Variants in SCAMP2 observed in about 807,000 individuals in gnomAD.
SCAMP2 encodes the protein secretory carrier-associated membrane protein 2.
Under a neutral mutation model 44.1 loss-of-function variants are expected in SCAMP2, and 25 were observed. That is an observed-to-expected ratio of 0.57 (90% CI 0.41 to 0.79). The LOEUF (loss-of-function observed/expected upper bound fraction) is 0.79. SCAMP2 is among the 30% of genes least tolerant of loss of function. SCAMP2 has a pLI of 0.00. For missense variants in SCAMP2, 355 were observed against 411.0 expected, an observed-to-expected ratio of 0.86 and a Z score of 1.18; for synonymous variants, 156 against 166.0, an observed-to-expected ratio of 0.94 and a Z score of 0.46.
chr15:74,856,090 A>ATGCCTGGGCTCCATGAGGAACAGCCC (rs2064467022), intron 1 of SCAMP2, among the ~76,000 whole-genome samples: 1 of 151,828 alleles, frequency 6.6e-6, no homozygotes, highest in Admixed American at 6.6e-5. Context: ...CTTCACAGCC[A>ATGCCTGGGCTCCATGAGGAACAGCCC]TGCCTGGGCT....
intron 1 of SCAMP2, among the ~76,000 whole-genome samples, chr15:74,871,241 A>G (rs2064572883): frequency 6.6e-6 from 1 of 152,044 alleles, no homozygotes; most frequent in Non-Finnish European, 1.5e-5. Flanking sequence ...ATTGCTTGAG[A>G]CCAGGATTTC....
At chr15:74,848,369 A>G (rs1005935103) in intron 7 of SCAMP2, 7 of 403,984 alleles carry the variant, frequency 1.7e-5, no homozygotes, top group African/African-American at 1.4e-4. Flanking sequence ...CACCTGACCA[A>G]TAGTGAGTGT....
Position 74,854,669 on chromosome 15 carries a change from C to T in SCAMP2, c.58-20G>A, listed in dbSNP as rs1198495658. 21 of 1,598,360 alleles carry T rather than the reference C, an allele frequency of 1.3e-5. No homozygotes were observed. The highest frequency in any genetic ancestry group is 1.7e-5 in the Admixed American group (1 of 57,858). Reference sequence around the variant, plus strand: ...GGGATCCTGAGAAGGTGAAAAAAAGCCCTTAGACACAGTGGAGAAAATCCG... The same window carrying T: ...GGGATCCTGAGAAGGTGAAAAAAAGTCCTTAGACACAGTGGAGAAAATCCG... On this transcript the variant is annotated intron_variant, in intron 1 of 8. Coordinates refer to ENST00000268099, the MANE Select transcript of SCAMP2 (RefSeq NM_005697.5).
chr15:74,862,189 G>C (rs866121911), intron 1 of SCAMP2, among the ~76,000 whole-genome samples: 2 of 145,782 alleles, frequency 1.4e-5, no homozygotes, highest in African/African-American at 5.0e-5. Flanking sequence ...CTTGAACCTG[G>C]GAGGTAGAGG....
chr15:74,860,054 A>C (rs1191543885), intron 1 of SCAMP2, among the ~76,000 whole-genome samples: 1 of 152,198 alleles, frequency 6.6e-6, no homozygotes, highest in African/African-American at 2.4e-5. Flanking sequence ...GCTTAAATCC[A>C]GTTTGAGATC....
At chr15:74,859,364 C>T (rs949317783) in intron 1 of SCAMP2, among the ~76,000 whole-genome samples, 6 of 152,142 alleles carry the variant, frequency 3.9e-5, no homozygotes, top group African/African-American at 1.4e-4. Context: ...AAGTGGGCAC[C>T]CCCTGAAGGG....
Position 74,854,001 on chromosome 15 carries a change from G to A in SCAMP2, c.225+20C>T. ...TTCCCTCACTGGAGAGAAAAGGCCA[G>A]AGTTCTTTGTCAGCACTACCTGGGG... On this transcript the variant is annotated intron_variant, in intron 3 of 8. Coordinates refer to ENST00000268099, the MANE Select transcript of SCAMP2 (RefSeq NM_005697.5). The A allele has an allele frequency of 1.2e-6, 2 of 1,600,466 alleles. No individual in the cohort carries two copies.
intron 5 of SCAMP2, 126 bp from the exon 6 acceptor site, chr15:74,850,799 CG>C: frequency 1.9e-5 from 17 of 895,016 alleles, no homozygotes; most frequent in Non-Finnish European, 2.4e-5. Flanking sequence ...CAGAGGAGCC[CG>C]CTCTGTACCT....
rs2064374544 is a variant in SCAMP2, at chr15:74,844,453, G to A, written c.*630C>T. 1 of 152,334 alleles carries A rather than the reference G, an allele frequency of 6.6e-6. No individual in the cohort carries two copies. The highest frequency in any genetic ancestry group is 2.4e-5 in the African/African-American group (1 of 41,434). 9.4% of individuals were successfully genotyped at this position (152,334 alleles called of 1,614,324 possible). On this transcript the variant is annotated 3_prime_UTR_variant, in exon 9 of 9. Coordinates refer to ENST00000268099, the MANE Select transcript of SCAMP2 (RefSeq NM_005697.5). ...TGCAGGAGGGTGCAGGGGGATAAAG[G>A]GCTATTAATCCGTTTCTCAGGAACA... is the stretch of plus-strand genomic sequence containing the variant.
At position 74,862,279 on chromosome 15, in the gene SCAMP2, A is replaced by AAAAAT; in HGVS notation, c.58-7631_58-7630insATTTT. ...CTCTGTCTCCAAAAAAAAAAAAAAA[A>AAAAAT]AAAAAAAAAATTCCTGGCCAGGTGC... On this transcript the variant is annotated intron_variant, in intron 1 of 8. Coordinates refer to ENST00000268099, the MANE Select transcript of SCAMP2 (RefSeq NM_005697.5). 1.5e-5 allele frequency among the ~76,000 whole-genome samples: 2 copies of AAAAAT among 131,066 alleles called. 1 individual carries two copies. Among genetic ancestry groups the AAAAAT allele is most frequent in the Non-Finnish European group, 3.1e-5 (2 of 64,686 alleles). 86.0% of individuals were successfully genotyped at this position (131,066 alleles called of 152,430 possible).
At chr15:74,853,125 C>G (rs1194585548) in intron 3 of SCAMP2, 2 of 296,284 alleles carry the variant, frequency 6.8e-6, no homozygotes, top group Non-Finnish European at 1.4e-5. Flanking sequence ...GTTTCAGGCA[C>G]TGGGGGCGGA....
chr15:74,862,467 T>C (rs914791374), intron 1 of SCAMP2, among the ~76,000 whole-genome samples: 4 of 151,060 alleles, frequency 2.6e-5, no homozygotes, highest in Admixed American at 1.3e-4. Context: ...TTCCAGGTAC[T>C]TGGGAGGCTG....
chr15:74,862,752 G>A (rs1004822151), intron 1 of SCAMP2, among the ~76,000 whole-genome samples: 35 of 147,334 alleles, frequency 2.4e-4, no homozygotes, highest in Admixed American at 1.6e-3. Flanking sequence ...AACCAGGGAG[G>A]TAAAGGTTGC....
chr15:74,872,771 TC>T (rs971307995), intron 1 of SCAMP2, among the ~76,000 whole-genome samples: 32 of 152,108 alleles, frequency 2.1e-4, no homozygotes, highest in African/African-American at 7.7e-4. Flanking sequence ...ATTTTTCCCC[TC>T]CACCAGAGGC....
intron 1 of SCAMP2, among the ~76,000 whole-genome samples, chr15:74,862,853 T>TAC (rs112611741): frequency 0.079 from 6,940 of 87,388 alleles, 652 homozygotes; most frequent in Non-Finnish European, 0.095. Flanking sequence ...AAACAAACCA[T>TAC]ACACACACAC....
chr15:74,854,600 T>G lies in SCAMP2; in HGVS notation c.107A>C (p.Glu36Ala), dbSNP rs767314393. The change falls in exon 2 of 9, where the codon GAA (glutamate) becomes GCA (alanine). Residue 36 changes from glutamate to alanine, a missense_variant. Physicochemically the swap from Glu to Ala is moderately radical, Grantham distance 107. Coordinates refer to ENST00000268099, the MANE Select transcript of SCAMP2 (RefSeq NM_005697.5). ...LTNAPQGGLA[E>A]FNPFSETNAA... is the part of the protein sequence containing the mutation. ...ACCAACCTCTGAGAAGGGGTTGAATTCCGCCAGGCCGCCCTGCGGGGCGTT... is the reference window on the plus strand; with the variant it reads ...ACCAACCTCTGAGAAGGGGTTGAATGCCGCCAGGCCGCCCTGCGGGGCGTT... 6.2e-7 allele frequency: 1 copy of G among 1,606,170 alleles called. No individual in the cohort carries two copies. Among genetic ancestry groups the G allele is most frequent in the Non-Finnish European group, 8.5e-7 (1 of 1,176,514 alleles).
At chr15:74,863,516 A>C (rs1221610843) in intron 1 of SCAMP2, among the ~76,000 whole-genome samples, 1 of 151,878 alleles carries the variant, frequency 6.6e-6, no homozygotes, top group Non-Finnish European at 1.5e-5. Context: ...ATCTCCAAAA[A>C]AAAAAAAAAC....
intron 1 of SCAMP2, among the ~76,000 whole-genome samples, chr15:74,869,234 C>T (rs2064560936): frequency 6.6e-6 from 1 of 151,976 alleles, no homozygotes; most frequent in African/African-American, 2.4e-5. Flanking sequence ...GAGCACCTTT[C>T]AGGACTGGCA....
chr15:74,854,660 GAA>G lies in SCAMP2; in HGVS notation c.58-13_58-12del. ...GGTCACAGAGGGATCCTGAGAAGGT[GAA>G]AAAAAGCCCTTAGACACAGTGGAGA... is the stretch of plus-strand genomic sequence containing the variant. On this transcript the variant is annotated splice_polypyrimidine_tract_variant and intron_variant, in intron 1 of 8. Transcript: ENST00000268099. The G allele has an allele frequency of 6.2e-7, 1 of 1,603,892 alleles. No homozygotes were observed. Among genetic ancestry groups the G allele is most frequent in the Non-Finnish European group, 8.5e-7 (1 of 1,175,498 alleles).
Sources: gnomAD v4.1 joint callset for allele counts (sites outside exome capture counted in the v4.1 genomes callset) on GRCh38, gnomAD v4.1.1 for gene constraint, MANE v1.5 for transcripts, NCBI Gene and HGNC (gene_info 2026-07-23, HGNC 2026-07-21) for gene names.